Variants in AHCTF1 observed in about 807,000 individuals in gnomAD.
The protein encoded by AHCTF1 is protein ELYS.
A neutral mutation model predicts 248.4 loss-of-function variants in AHCTF1; 24 were observed. The ratio of observed to expected loss-of-function variants is 0.10; its 90% CI spans 0.07 to 0.14. The LOEUF (loss-of-function observed/expected upper bound fraction) is 0.14. Among genes scored for constraint, AHCTF1 ranks in the 10% least tolerant of loss-of-function variants. The probability of loss-of-function intolerance (pLI) is 1.00; values close to 1 mark genes in which losing one functional copy is unlikely to be tolerated. For synonymous variants in AHCTF1, 786 were observed against 929.8 expected (o/e 0.85, Z 2.81); for missense variants, 2,206 against 2,636.2 (o/e 0.84, Z 3.57).
intron 11 of AHCTF1, 38 bp from the exon 12 acceptor site, chr1:246,898,374 C>G (rs891255813): frequency 6.4e-7 from 1 of 1,553,960 alleles, no homozygotes; most frequent in Non-Finnish European, 8.7e-7. Context: ...AATCAATGCT[C>G]AATTTGAATA....
intron 14 of AHCTF1, 67 bp from the exon 15 acceptor site, chr1:246,891,986 A>G (rs1664238237): frequency 6.8e-7 from 1 of 1,468,138 alleles, no homozygotes; most frequent in East Asian, 2.5e-5. Flanking sequence ...ATCACAATGC[A>G]AAATTTCTCA....
intron 24 of AHCTF1, among the ~76,000 whole-genome samples, chr1:246,874,015 T>C (rs2103099280): frequency 6.6e-6 from 1 of 152,336 alleles, no homozygotes; most frequent in East Asian, 1.9e-4. Flanking sequence ...CTTCTGACAC[T>C]GCCACCTGCC....
chr1:246,864,972 T>TTAAGATTC (rs1661861004), intron 26 of AHCTF1, among the ~76,000 whole-genome samples: 1 of 151,624 alleles, frequency 6.6e-6, no homozygotes. Flanking sequence ...AAGTACAACT[T>TTAAGATTC]TAAGATTCTA....
Position 246,864,175 on chromosome 1 carries a change from C to T in AHCTF1, c.3348-59G>A. 3.3e-6 allele frequency: 5 copies of T among 1,513,386 alleles called. No homozygotes were observed. In the South Asian group the frequency reaches 4.8e-5, roughly 15 times the overall value. 93.7% of individuals were successfully genotyped at this position (1,513,386 alleles called of 1,614,324 possible). A position where few individuals can be genotyped will look rare whatever the true frequency, so the allele number is the denominator to read the frequency against. ...TGAAAAAACAAAAGAATTTAGTATC[C>T]CATTTAATCAGACCTCTATATTCAC... On this transcript the variant is annotated intron_variant, in intron 26 of 35. Transcript: ENST00000648844.
chr1:246,869,931 G>A (rs912390935), intron 24 of AHCTF1, among the ~76,000 whole-genome samples: 5 of 152,160 alleles, frequency 3.3e-5, no homozygotes, highest in African/African-American at 4.8e-5. Flanking sequence ...TCCTCTGAGA[G>A]ATCCGAACAA....
Position 246,877,318 on chromosome 1 carries a change from A to C in AHCTF1, c.2661-16T>G, listed in dbSNP as rs745623814. On this transcript the variant is annotated splice_polypyrimidine_tract_variant and intron_variant, in intron 21 of 35. Transcript: ENST00000648844. ...AACCATACACCTGAAAGCAGTATTT[A>C]TCAAAGTTTAGTTTTAGAAAAAGCT... 1.1e-5 allele frequency: 17 copies of C among 1,545,594 alleles called. No homozygotes were observed. In the South Asian group the frequency reaches 2.1e-4, roughly 19 times the overall value.
chr1:246,880,689 T>C (rs1007177659), intron 21 of AHCTF1, among the ~76,000 whole-genome samples: 1 of 151,916 alleles, frequency 6.6e-6, no homozygotes, highest in Non-Finnish European at 1.5e-5. Flanking sequence ...GATAATAATA[T>C]AGACAGTATT....
chr1:246,863,152 T>C (rs945938251), intron 27 of AHCTF1, among the ~76,000 whole-genome samples: 3 of 152,216 alleles, frequency 2.0e-5, no homozygotes, highest in East Asian at 1.9e-4. Context: ...TTTTAAATTA[T>C]TGAAACCTAA....
chr1:246,862,471 C>T (rs531066843), intron 27 of AHCTF1, among the ~76,000 whole-genome samples: 35 of 150,664 alleles, frequency 2.3e-4, no homozygotes, highest in South Asian at 6.3e-4. Flanking sequence ...CAGAGCAAGA[C>T]TCCGTCTCAA....
intron 29 of AHCTF1, among the ~76,000 whole-genome samples, chr1:246,858,674 A>C (rs1415091112): frequency 2.6e-5 from 4 of 151,748 alleles, no homozygotes; most frequent in Admixed American, 2.6e-4. Flanking sequence ...ATAATACAAA[A>C]ATTGGCTGGG....
chr1:246,885,272 C>A (rs923005404), intron 21 of AHCTF1, among the ~76,000 whole-genome samples: 1 of 152,156 alleles, frequency 6.6e-6, no homozygotes, highest in African/African-American at 2.4e-5. Context: ...AAAGTTGGTC[C>A]TGCAGAGCCC....
At chr1:246,931,370 G>C (rs1426488564) in intron 1 of AHCTF1, 2 of 1,516,398 alleles carry the variant, frequency 1.3e-6, no homozygotes, top group East Asian at 2.5e-5. Flanking sequence ...ACGAAGCCCG[G>C]CGCCCGCGAG....
At chr1:246,860,469 T>C (rs917229946) in intron 29 of AHCTF1, among the ~76,000 whole-genome samples, 4 of 152,190 alleles carry the variant, frequency 2.6e-5, no homozygotes, top group African/African-American at 4.8e-5. Context: ...TGAAACAATG[T>C]AAGCCACACT....
At chr1:246,883,407 T>C (rs1663599182) in intron 21 of AHCTF1, among the ~76,000 whole-genome samples, 1 of 152,218 alleles carries the variant, frequency 6.6e-6, no homozygotes, top group African/African-American at 2.4e-5. Context: ...CTCAGAAACT[T>C]TGTTTTCTTG....
At chr1:246,917,972 A>G (rs1171064367) in intron 2 of AHCTF1, among the ~76,000 whole-genome samples, 1 of 152,172 alleles carries the variant, frequency 6.6e-6, no homozygotes, top group Non-Finnish European at 1.5e-5. Flanking sequence ...AACTAGTTGC[A>G]TGTTACTTCT....
Position 246,931,832 on chromosome 1 carries a change from G to T in AHCTF1, c.-262C>A, listed in dbSNP as rs187039849. On this transcript the variant is annotated 5_prime_UTR_variant, in exon 1 of 36. Transcript: ENST00000648844. The stretch of plus-strand genomic sequence containing the variant: ...GCTGTAGGCCTGCAGACCGCTCAGC[G>T]GCTAAAACGCAGTCGCTGCTCCCGC... 3 of 152,114 alleles carry T rather than the reference G, an allele frequency of 2.0e-5. No individual in the cohort carries two copies. Among genetic ancestry groups the T allele is most frequent in the African/African-American group, 7.3e-5 (3 of 41,336 alleles). The allele number at this position is 152,114 out of a possible 1,614,324, so 9.4% of individuals were successfully genotyped here.
At chr1:246,915,745 TA>T (rs1421025406) in intron 3 of AHCTF1, among the ~76,000 whole-genome samples, 3 of 152,196 alleles carry the variant, frequency 2.0e-5, no homozygotes, top group African/African-American at 7.2e-5. Context: ...GTCGCAAATT[TA>T]AAAGGTAAAA....
intron 1 of AHCTF1, among the ~76,000 whole-genome samples, chr1:246,929,107 G>A (rs1414119962): frequency 1.3e-5 from 2 of 152,086 alleles, no homozygotes; most frequent in Non-Finnish European, 2.9e-5. Context: ...TGGGATAAGG[G>A]GAAATAAAAG....
At chr1:246,848,951 C>A (rs1660491624) in intron 33 of AHCTF1, among the ~76,000 whole-genome samples, 1 of 152,148 alleles carries the variant, frequency 6.6e-6, no homozygotes, top group Non-Finnish European at 1.5e-5. Context: ...AGTGTCTTAA[C>A]TTTTTAGACA....
Sources: gnomAD v4.1 joint callset for allele counts (sites outside exome capture counted in the v4.1 genomes callset) on GRCh38, gnomAD v4.1.1 for gene constraint, MANE v1.5 for transcripts, NCBI Gene and HGNC (gene_info 2026-07-23, HGNC 2026-07-21) for gene names.